Variants in KLHL4 observed in about 807,000 individuals in gnomAD.
The protein encoded by KLHL4 is kelch like family member 4.
Under a neutral mutation model 45.8 loss-of-function variants are expected in KLHL4, and 17 were observed. The observed-to-expected ratio is 0.37, with a 90% CI of 0.25 to 0.56. The LOEUF (loss-of-function observed/expected upper bound fraction) is 0.56, where lower values mean the gene tolerates loss of function less well. Among genes scored for constraint, KLHL4 ranks in the 20% least tolerant of loss-of-function variants. The pLI, the probability that KLHL4 is intolerant of heterozygous loss-of-function variation, is 0.79. For synonymous variants in KLHL4, 224 were observed against 189.9 expected, an observed-to-expected ratio of 1.18 and a Z score of -1.47; for missense variants, 544 against 544.9, an observed-to-expected ratio of 1.00 and a Z score of 0.02.
chrX:87,667,296 C>A lies in KLHL4; in HGVS notation c.*762C>A, dbSNP rs901892679. The stretch of plus-strand genomic sequence containing the variant: ...ATAATGAATATTTATCATATTGATA[C>A]AAACTGTGACCTCAGCTTCAGAGTG... On this transcript the variant is annotated 3_prime_UTR_variant, in exon 11 of 11. Transcript: ENST00000373119. 1.7e-5 allele frequency: 12 copies of A among 715,712 alleles called. No individual in the cohort carries two copies. Among genetic ancestry groups the A allele is most frequent in the Non-Finnish European group, 1.8e-5 (11 of 605,765 alleles). The allele number at this position is 715,712 out of a possible 1,213,427, so 59.0% of individuals were successfully genotyped here. A position where few individuals can be genotyped will look rare whatever the true frequency, so the allele number is the denominator to read the frequency against.
At chrX:87,577,991 A>T (rs774901311) in intron 1 of KLHL4, among the ~76,000 whole-genome samples, 1 of 111,680 alleles carries the variant, frequency 9.0e-6, no homozygotes, top group African/African-American at 3.2e-5. Flanking sequence ...ACTAGAAAAA[A>T]TCCTACAAAT....
intron 1 of KLHL4, among the ~76,000 whole-genome samples, chrX:87,562,651 C>T (rs775469796): frequency 1.8e-5 from 2 of 111,074 alleles, no homozygotes; most frequent in Non-Finnish European, 3.8e-5. Context: ...CCAGCTCCCA[C>T]GTGCCATCTC....
intron 9 of KLHL4, among the ~76,000 whole-genome samples, chrX:87,649,130 C>T (rs1923728154): frequency 1.8e-5 from 2 of 111,178 alleles, no homozygotes; most frequent in African/African-American, 6.5e-5. Flanking sequence ...ACCATCTCTA[C>T]AACATTTTTC....
At chrX:87,622,606 AAC>A (rs1040480062) in intron 5 of KLHL4, among the ~76,000 whole-genome samples, 183 bp downstream of exon 5, 6 of 111,653 alleles carry the variant, frequency 5.4e-5, no homozygotes, top group African/African-American at 2.0e-4. Flanking sequence ...GACAGAAAAA[AAC>A]ACGGCTAAAA....
chrX:87,648,410 C>T (rs1923707025), intron 9 of KLHL4, among the ~76,000 whole-genome samples: 1 of 111,370 alleles, frequency 9.0e-6, no homozygotes, highest in African/African-American at 3.3e-5. Context: ...TTAGAACAGA[C>T]ACTTTGGGTG....
intron 9 of KLHL4, among the ~76,000 whole-genome samples, chrX:87,649,679 A>C (rs1438666528): frequency 9.0e-6 from 1 of 111,493 alleles, no homozygotes; most frequent in Non-Finnish European, 1.9e-5. Context: ...TTGACCCATT[A>C]GTTTATTTGT....
rs143943466 is a variant in KLHL4 at position 87,629,779 on chromosome X, C to A, written c.1325-2431C>A. ...GAAATGGAAAGAATTGGAAAACATT[C>A]AGAGAAAACTGACTGGTTAAACATA... On this transcript the variant is annotated intron_variant, in intron 6 of 10. Transcript: ENST00000373119. 5.1e-3 allele frequency among the ~76,000 whole-genome samples: 574 copies of A among 111,575 alleles called. 4 individuals are homozygous for A. Among genetic ancestry groups the A allele is most frequent in the African/African-American group, 0.018 (547 of 30,843 alleles).
At chrX:87,590,389 A>G (rs1025892990) in intron 1 of KLHL4, among the ~76,000 whole-genome samples, 10 of 111,699 alleles carry the variant, frequency 9.0e-5, no homozygotes, top group Non-Finnish European at 1.7e-4. Flanking sequence ...TATAGATTGG[A>G]AGACTTAATA....
At chrX:87,648,240 G>T (rs1923700395) in intron 9 of KLHL4, among the ~76,000 whole-genome samples, 1 of 111,455 alleles carries the variant, frequency 9.0e-6, no homozygotes, top group Admixed American at 9.6e-5. Flanking sequence ...CAAATTTACA[G>T]TAAGGTGAGC....
At chrX:87,655,735 A>G (rs1210679954) in intron 9 of KLHL4, among the ~76,000 whole-genome samples, 1 of 111,774 alleles carries the variant, frequency 8.9e-6, no homozygotes, top group East Asian at 2.8e-4. Flanking sequence ...TAATTGTTAT[A>G]TAGCTACTTT....
In KLHL4 at chrX:87,568,384, TTTTTTTC is replaced by T. The variant is rs1241015593; in HGVS notation, c.423-45486_423-45480del. 6.1e-3 allele frequency among the ~76,000 whole-genome samples: 401 copies of T among 66,160 alleles called. 3 individuals carry two copies. Among genetic ancestry groups the T allele is most frequent in the Non-Finnish European group, 7.2e-3 (260 of 36,107 alleles). The allele number at this position is 66,160 out of a possible 115,157, so 57.5% of individuals were successfully genotyped here. A position where few individuals can be genotyped will look rare whatever the true frequency, so the allele number is the denominator to read the frequency against. ...TACAGCTTTTTTTCTTTTTCTTTTC[TTTTTTTC>T]TTTTTTTTTTTTTTTTTTTGCAGAA... On this transcript the variant is annotated intron_variant, in intron 1 of 10. Coordinates refer to ENST00000373119, the MANE Select transcript of KLHL4 (RefSeq NM_019117.5).
intron 1 of KLHL4, among the ~76,000 whole-genome samples, chrX:87,610,204 T>G (rs1462857653): frequency 1.8e-5 from 2 of 112,031 alleles, no homozygotes; most frequent in East Asian, 5.6e-4. Flanking sequence ...CCTGACATAC[T>G]TATTTGTTTA....
At position 87,605,505 on chromosome X, in the gene KLHL4, G is replaced by A. The variant is rs374745077; in HGVS notation, c.423-8372G>A. Among the ~76,000 whole-genome samples the A allele has an allele frequency of 1.2e-3, 134 of 109,991 alleles. 2 individuals carry two copies. In the South Asian group the frequency reaches 0.051, roughly 42 times the overall value. On this transcript the variant is annotated intron_variant, in intron 1 of 10. Transcript: ENST00000373119. ...TTTTATTTTTATATATATTTAAATT[G>A]AATTGTTTTCTTGATTTATTTTTGA... is the stretch of plus-strand genomic sequence containing the variant.
At chrX:87,664,679 A>G (rs1924306295) in intron 9 of KLHL4, 85 bp from the exon 10 acceptor site, 1 of 574,652 alleles carries the variant, frequency 1.7e-6, no homozygotes, top group Non-Finnish European at 2.8e-6. Context: ...TGTTTCAGAT[A>G]GGTATACATT....
intron 10 of KLHL4, among the ~76,000 whole-genome samples, chrX:87,665,772 G>A (rs1415260302): frequency 2.7e-5 from 3 of 110,834 alleles, no homozygotes; most frequent in Non-Finnish European, 5.7e-5. Flanking sequence ...TATTCTACAG[G>A]GTACAGCTAT....
chrX:87,655,751 CTTAT>C lies in KLHL4; in HGVS notation c.1926-9010_1926-9007del, dbSNP rs1342085928. Among the ~76,000 whole-genome samples, 7 of 111,150 alleles carry C rather than the reference CTTAT, an allele frequency of 6.3e-5. No individual in the cohort carries two copies. In the Admixed American group the frequency reaches 6.7e-4, roughly 11 times the overall value. ...AATTGTTATATAGCTACTTTGTAGC[CTTAT>C]TTGTGTAATTGTTTTATAAGACTTT... On this transcript the variant is annotated intron_variant, in intron 9 of 10. Transcript: ENST00000373119.
At chrX:87,592,792 C>A (rs983210331) in intron 1 of KLHL4, among the ~76,000 whole-genome samples, 1 of 111,964 alleles carries the variant, frequency 8.9e-6, no homozygotes, top group African/African-American at 3.2e-5. Context: ...ATTGTTTGAG[C>A]ATCTTACATA....
intron 9 of KLHL4, 133 bp downstream of exon 9, chrX:87,635,908 C>T (rs751842851): frequency 2.6e-5 from 11 of 426,134 alleles, no homozygotes; most frequent in South Asian, 1.2e-4. Flanking sequence ...AATAGTACAA[C>T]GGGAATCTAG....
rs757203566 is a variant in KLHL4, at chrX:87,519,180, G to T, written c.422+865G>T. On this transcript the variant is annotated intron_variant, in intron 1 of 10. Transcript: ENST00000373119. ...TATCAGACATTTTTATAGTCCCAAC[G>T]TGTTTTAGACACAGTTGATAATATT... 2.0e-3 allele frequency among the ~76,000 whole-genome samples: 222 copies of T among 111,412 alleles called. 1 individual carries two copies. Among genetic ancestry groups the T allele is most frequent in the African/African-American group, 7.1e-3 (220 of 30,784 alleles).
Sources: gnomAD v4.1 joint callset for allele counts (sites outside exome capture counted in the v4.1 genomes callset) on GRCh38, gnomAD v4.1.1 for gene constraint, MANE v1.5 for transcripts, NCBI Gene and HGNC (gene_info 2026-07-23, HGNC 2026-07-21) for gene names.